Variants in ITGA9 observed in about 807,000 individuals in gnomAD.
ITGA9 encodes the protein integrin subunit alpha 9, also known as integrin alpha-9.
ITGA9 carries 56 observed loss-of-function variants against 127.8 expected under a neutral mutation model. That is an observed-to-expected ratio of 0.44 (90% CI 0.35 to 0.55). The LOEUF (loss-of-function observed/expected upper bound fraction) is 0.55. Ranked by LOEUF, ITGA9 falls within the 20% of genes least tolerant of loss-of-function variation. ITGA9 has a pLI of 0.00. For missense variants in ITGA9, 1,196 were observed against 1,347.1 expected (o/e 0.89, Z 1.76); for synonymous variants, 508 against 514.5 (o/e 0.99, Z 0.17).
At chr3:37,564,350 G>C (rs1241907891) in intron 15 of ITGA9, among the ~76,000 whole-genome samples, 1 of 152,134 alleles carries the variant, frequency 6.6e-6, no homozygotes, top group African/African-American at 2.4e-5. Context: ...TCATCGATAA[G>C]ACCTGTTTCA....
intron 4 of ITGA9, among the ~76,000 whole-genome samples, chr3:37,488,384 A>G (rs1479991204): frequency 6.6e-6 from 1 of 152,150 alleles, no homozygotes; most frequent in Non-Finnish European, 1.5e-5. Flanking sequence ...GTCTATATAT[A>G]CATTATTATG....
chr3:37,709,145 G>T (rs982693977), intron 18 of ITGA9, among the ~76,000 whole-genome samples: 5 of 152,098 alleles, frequency 3.3e-5, no homozygotes, highest in African/African-American at 1.2e-4. Context: ...TAAATTTGTT[G>T]CAAAGATTAA....
At chr3:37,541,823 A>G (rs1421800433) in intron 14 of ITGA9, among the ~76,000 whole-genome samples, 1 of 152,214 alleles carries the variant, frequency 6.6e-6, no homozygotes, top group Non-Finnish European at 1.5e-5. Flanking sequence ...TGCGTTGTTC[A>G]TTGATACATC....
At position 37,754,783 on chromosome 3, in the gene ITGA9, C is replaced by T. The variant is rs139209190; in HGVS notation, c.2541+4214C>T. The stretch of plus-strand genomic sequence containing the variant: ...AAAATCTTCCCTCCCCATGCTTGTA[C>T]AGTAGACAGGCCTACCCATGATGTA... On this transcript the variant is annotated intron_variant, in intron 23 of 27. Transcript: ENST00000264741. Among the ~76,000 whole-genome samples the T allele has an allele frequency of 2.8e-3, 424 of 152,246 alleles. 3 individuals are homozygous for T. The highest frequency in any genetic ancestry group is 4.6e-3 in the Non-Finnish European group (311 of 68,004).
chr3:37,631,179 G>C (rs1362772535), intron 16 of ITGA9, among the ~76,000 whole-genome samples: 2 of 152,146 alleles, frequency 1.3e-5, no homozygotes, highest in Non-Finnish European at 2.9e-5. Flanking sequence ...TCGGGGTCCT[G>C]GGAAGAATTT....
At chr3:37,511,957 T>C in intron 8 of ITGA9, among the ~76,000 whole-genome samples, 1 of 96,902 alleles carries the variant, frequency 1.0e-5, no homozygotes, top group Non-Finnish European at 2.3e-5. Context: ...AGAATAATGC[T>C]TTTTCTCTTT....
intron 15 of ITGA9, among the ~76,000 whole-genome samples, chr3:37,568,682 G>T (rs769859210): frequency 7.9e-5 from 12 of 152,104 alleles, no homozygotes; most frequent in African/African-American, 2.7e-4. Flanking sequence ...TCTAGAGCAG[G>T]GGCAAAATGC....
intron 15 of ITGA9, among the ~76,000 whole-genome samples, chr3:37,577,053 G>T (rs1236099354): frequency 6.6e-6 from 1 of 152,228 alleles, no homozygotes; most frequent in East Asian, 1.9e-4. Context: ...CCATCCTTGG[G>T]GTCGTCCAGT....
intron 18 of ITGA9, among the ~76,000 whole-genome samples, chr3:37,713,223 C>T (rs1300121249): frequency 3.3e-5 from 5 of 152,208 alleles, no homozygotes. Flanking sequence ...CTTTGAAGAA[C>T]TCAGCTGTCT....
intron 17 of ITGA9, among the ~76,000 whole-genome samples, chr3:37,677,597 A>C (rs1213876765): frequency 6.6e-6 from 1 of 152,248 alleles, no homozygotes; most frequent in Non-Finnish European, 1.5e-5. Context: ...ATATACATTG[A>C]TACTATTTAG....
chr3:37,580,150 A>G (rs1282835456), intron 15 of ITGA9, among the ~76,000 whole-genome samples: 1 of 152,214 alleles, frequency 6.6e-6, no homozygotes. Context: ...ATTGTTGGGG[A>G]GAAATCTTTA....
rs376421666 is a variant in ITGA9, at chr3:37,526,070, A to G, written c.1372A>G (p.Arg458Gly). The change falls in exon 13 of 28, where the codon AGA (arginine) becomes GGA (glycine). Residue 458 changes from arginine (R) to glycine (G), a missense_variant and splice_region_variant. Arg to Gly is a moderately radical substitution (Grantham distance 125, BLOSUM62 -2). Transcript: ENST00000264741. The stretch of plus-strand genomic sequence containing the variant: ...CATGTCCGACAGCGTGGTTCTTCTC[A>G]GGTGAGAGGCCCCACTCTTGCTCCT... ...AFMSDSVVLL[R>G]ARPVITVDVS... The G allele has an allele frequency of 2.5e-6, 4 of 1,613,568 alleles. No homozygotes were observed. The highest frequency in any genetic ancestry group is 3.4e-6 in the Non-Finnish European group (4 of 1,179,652).
intron 15 of ITGA9, among the ~76,000 whole-genome samples, chr3:37,594,619 G>A (rs898276327): frequency 2.6e-5 from 4 of 152,134 alleles, no homozygotes; most frequent in African/African-American, 9.7e-5. Flanking sequence ...TCTTAGGCAG[G>A]TCCCTGAACT....
chr3:37,528,184 C>T (rs542577279), intron 13 of ITGA9, among the ~76,000 whole-genome samples: 1 of 152,292 alleles, frequency 6.6e-6, no homozygotes, highest in East Asian at 1.9e-4. Flanking sequence ...CTGCTGTGAG[C>T]TTAATCCAAA....
At chr3:37,732,574 G>A (rs750038225) in intron 18 of ITGA9, 138 bp from the exon 19 acceptor site, 11 of 716,672 alleles carry the variant, frequency 1.5e-5, no homozygotes, top group Middle Eastern at 3.6e-4. Context: ...GGCTGGAGAC[G>A]GCCTGGTCAG....
chr3:37,822,094 T>A lies in ITGA9; in HGVS notation c.*3105T>A, dbSNP rs1697522143. 1 of 152,108 alleles carries A rather than the reference T, an allele frequency of 6.6e-6. No individual in the cohort carries two copies. Among genetic ancestry groups the A allele is most frequent in the Non-Finnish European group, 1.5e-5 (1 of 68,028 alleles). The allele number at this position is 152,108 out of a possible 1,614,324, so 9.4% of individuals were successfully genotyped here. ...GTACATCTGTGTTACCCTTCCAGAATATTATTTGAAAATTCTACAGTATGT... is the reference window on the plus strand; with the variant it reads ...GTACATCTGTGTTACCCTTCCAGAAAATTATTTGAAAATTCTACAGTATGT... On this transcript the variant is annotated 3_prime_UTR_variant, in exon 28 of 28. Transcript: ENST00000264741.
chr3:37,455,851 G>A (rs1206441948), intron 1 of ITGA9, among the ~76,000 whole-genome samples: 3 of 152,172 alleles, frequency 2.0e-5, no homozygotes, highest in South Asian at 2.1e-4. Flanking sequence ...CTCTGCAGGC[G>A]GCAGAGTAGA....
intron 15 of ITGA9, among the ~76,000 whole-genome samples, chr3:37,613,006 A>G (rs1575166930): frequency 2.0e-5 from 3 of 151,206 alleles, no homozygotes; most frequent in Admixed American, 2.0e-4. Flanking sequence ...GTACATGTGC[A>G]CAACGTGCAG....
At chr3:37,716,995 G>A (rs1257336570) in intron 18 of ITGA9, among the ~76,000 whole-genome samples, 1 of 152,134 alleles carries the variant, frequency 6.6e-6, no homozygotes, top group Non-Finnish European at 1.5e-5. Flanking sequence ...TTGGCATCGG[G>A]CTTTTCTTTG....
Sources: allele counts gnomAD v4.1 joint callset (sites outside exome capture counted in the v4.1 genomes callset), GRCh38; gene constraint gnomAD v4.1.1; transcripts MANE v1.5; gene names NCBI Gene and HGNC (gene_info 2026-07-23, HGNC 2026-07-21).